Variants in WASF2 observed in about 807,000 individuals in gnomAD.
The protein encoded by WASF2 is WASP family member 2.
A neutral mutation model predicts 45.0 loss-of-function variants in WASF2; 14 were observed. The observed-to-expected ratio is 0.31, with a 90% CI of 0.21 to 0.49. The LOEUF (loss-of-function observed/expected upper bound fraction) is 0.49, where lower values mean the gene tolerates loss of function less well. WASF2 is among the 20% of genes least tolerant of loss of function. The pLI is 0.99. For synonymous variants in WASF2, 200 were observed against 236.3 expected, an observed-to-expected ratio of 0.85 and a Z score of 1.41; for missense variants, 439 against 636.1, an observed-to-expected ratio of 0.69 and a Z score of 3.33.
intron 1 of WASF2, among the ~76,000 whole-genome samples, chr1:27,462,760 A>G (rs563280031): frequency 6.6e-6 from 1 of 152,372 alleles, no homozygotes; most frequent in African/African-American, 2.4e-5. Flanking sequence ...GAGAAAAATG[A>G]AAGAGTAAAT....
At chr1:27,458,457 T>C (rs1266909850) in intron 1 of WASF2, among the ~76,000 whole-genome samples, 1 of 151,992 alleles carries the variant, frequency 6.6e-6, no homozygotes, top group Admixed American at 6.6e-5. Context: ...CAGTTAAAGA[T>C]AACAAATATT....
chr1:27,433,437 T>C (rs2017092776), intron 1 of WASF2, among the ~76,000 whole-genome samples: 1 of 152,224 alleles, frequency 6.6e-6, no homozygotes, highest in Non-Finnish European at 1.5e-5. Context: ...GGAACTCCAG[T>C]TGAGAAAGGC....
intron 1 of WASF2, among the ~76,000 whole-genome samples, chr1:27,450,958 C>T (rs1557610714): frequency 1.3e-5 from 2 of 151,266 alleles, no homozygotes; most frequent in Admixed American, 6.6e-5. Context: ...CACCTGTAAT[C>T]TCAACACTTT....
intron 1 of WASF2, among the ~76,000 whole-genome samples, chr1:27,489,147 G>A (rs925225486): frequency 7.2e-5 from 11 of 151,736 alleles, no homozygotes; most frequent in Non-Finnish European, 1.5e-4. Context: ...AGAACCAAGA[G>A]GACCCCAGCT....
At chr1:27,464,689 T>A (rs916650008) in intron 1 of WASF2, among the ~76,000 whole-genome samples, 1 of 152,136 alleles carries the variant, frequency 6.6e-6, no homozygotes, top group African/African-American at 2.4e-5. Flanking sequence ...GAACAATCTT[T>A]ACCACTTAGA....
intron 1 of WASF2, among the ~76,000 whole-genome samples, chr1:27,454,171 ATATATATATATATATATTT>A (rs1557612296): frequency 3.6e-3 from 138 of 38,114 alleles, no homozygotes; most frequent in South Asian, 0.012. Flanking sequence ...ATATATATAT[ATATATATATATATATATTT>A]TTTTTTTTTT....
At chr1:27,486,327 C>T (rs1487943071) in intron 1 of WASF2, among the ~76,000 whole-genome samples, 2 of 152,044 alleles carry the variant, frequency 1.3e-5, no homozygotes, top group South Asian at 2.1e-4. Flanking sequence ...CATTTGGTCC[C>T]AAGAACTTTT....
chr1:27,462,362 C>T (rs2017557574), intron 1 of WASF2, among the ~76,000 whole-genome samples: 1 of 152,132 alleles, frequency 6.6e-6, no homozygotes, highest in Non-Finnish European at 1.5e-5. Context: ...TTTCTAAAAA[C>T]AAACTACAGT....
At position 27,407,842 on chromosome 1, in the gene WASF2, T is replaced by G. The variant is rs960937836; in HGVS notation, c.*347A>C. On this transcript the variant is annotated 3_prime_UTR_variant, in exon 9 of 9. Coordinates refer to ENST00000618852, the MANE Select transcript of WASF2 (RefSeq NM_006990.5). Reference sequence around the variant, plus strand: ...GGGCACAGGTTTTAGAAGGCTGTAGTTGAATATGGCTCCTAAGGGAAGCCC... The same window carrying G: ...GGGCACAGGTTTTAGAAGGCTGTAGGTGAATATGGCTCCTAAGGGAAGCCC... The G allele has an allele frequency of 1.9e-5, 4 of 207,760 alleles. No individual in the cohort carries two copies. The highest frequency in any genetic ancestry group is 9.9e-5 in the South Asian group (1 of 10,120). 12.9% of individuals were successfully genotyped at this position (207,760 alleles called of 1,614,324 possible).
intron 1 of WASF2, among the ~76,000 whole-genome samples, chr1:27,468,581 C>T (rs1288254221): frequency 2.7e-5 from 4 of 150,840 alleles, no homozygotes; most frequent in African/African-American, 9.8e-5. Context: ...ACAGAGGTTA[C>T]AATGAGCCGA....
chr1:27,416,179 C>A (rs986589465), intron 4 of WASF2, 77 bp from the exon 5 acceptor site: 1 of 1,250,922 alleles, frequency 8.0e-7, no homozygotes. Flanking sequence ...CAAACACCTA[C>A]CAGTTAGCAG....
intron 1 of WASF2, 97 bp from the exon 2 acceptor site, chr1:27,429,030 T>C: frequency 1.9e-6 from 2 of 1,075,608 alleles, no homozygotes; most frequent in Non-Finnish European, 2.6e-6. Flanking sequence ...GGTCTTACCC[T>C]GATCTAAAAC....
intron 1 of WASF2, among the ~76,000 whole-genome samples, chr1:27,464,930 T>C (rs2017594565): frequency 6.6e-6 from 1 of 152,238 alleles, no homozygotes; most frequent in Admixed American, 6.5e-5. Context: ...GGTTTCACCA[T>C]GTTGGCCAGG....
chr1:27,455,416 A>T (rs1195813078), intron 1 of WASF2, among the ~76,000 whole-genome samples: 1 of 152,158 alleles, frequency 6.6e-6, no homozygotes, highest in Non-Finnish European at 1.5e-5. Context: ...TCAACACATG[A>T]CATAGCAGGA....
chr1:27,444,932 C>T (rs1187784056), intron 1 of WASF2, among the ~76,000 whole-genome samples: 2 of 152,178 alleles, frequency 1.3e-5, no homozygotes, highest in Admixed American at 6.6e-5. Context: ...CCTGAATCTT[C>T]CAGTCTAAAG....
intron 1 of WASF2, among the ~76,000 whole-genome samples, chr1:27,475,055 G>T (rs533039246): frequency 2.0e-5 from 3 of 152,092 alleles, no homozygotes; most frequent in Admixed American, 1.3e-4. Flanking sequence ...CAGGAGGACT[G>T]CTTGAGGCCA....
intron 1 of WASF2, among the ~76,000 whole-genome samples, chr1:27,450,519 A>G (rs2148124658): frequency 6.6e-6 from 1 of 151,758 alleles, no homozygotes; most frequent in South Asian, 2.1e-4. Flanking sequence ...GTTTTTTTTG[A>G]GACAGAGTTT....
Position 27,412,690 on chromosome 1 carries a change from C to A in WASF2, c.706G>T (p.Gly236Cys), listed in dbSNP as rs1273474091. Reference protein sequence around the residue: ...PTLVYQNGSIGCVENVDASSY... With the variant: ...PTLVYQNGSICCVENVDASSY... ...CTTGCATCCACGTTTTCAACACAGC[C>A]AATGCTGCCATTCTGGTACACCAAA... Residue 236 changes from glycine (G) to cysteine (C), a missense_variant, in exon 7 of 9, where the codon GGC becomes TGC. Around this residue, in one of 5 missense-constraint regions of WASF2, gnomAD observed 286 missense variants for 373.5 expected, o/e 0.77. Transcript: ENST00000618852. 6.2e-7 allele frequency: 1 copy of A among 1,614,156 alleles called. No homozygotes were observed.
intron 1 of WASF2, among the ~76,000 whole-genome samples, chr1:27,486,754 T>A (rs2017933125): frequency 6.6e-6 from 1 of 151,854 alleles, no homozygotes; most frequent in African/African-American, 2.4e-5. Context: ...CAAAACCCTA[T>A]CTCTACTAAA....
Sources: gnomAD v4.1 joint callset for allele counts (sites outside exome capture counted in the v4.1 genomes callset) on GRCh38, gnomAD v4.1.1 for gene constraint, gnomAD v4.1.1 regional missense constraint, MANE v1.5 for transcripts, NCBI Gene and HGNC (gene_info 2026-07-23, HGNC 2026-07-21) for gene names.